The following FMN1 variants were observed in gnomAD, a reference collection of about 807,000 sequenced individuals.
FMN1 encodes the protein formin 1, also known as formin-1.
Under a neutral mutation model 132.4 loss-of-function variants are expected in FMN1, and 110 were observed. That is an observed-to-expected ratio of 0.83 (90% CI 0.71 to 0.97). The LOEUF is 0.97. Ranked by LOEUF, FMN1 falls within the 50% of genes least tolerant of loss-of-function variation. FMN1 has a pLI of 0.00. For synonymous variants in FMN1, 722 were observed against 651.7 expected (o/e 1.11, Z -1.64); for missense variants, 1,792 against 1,705.3 (o/e 1.05, Z -0.90).
rs1596342442 is a variant in FMN1 at position 32,957,307 on chromosome 15, T to TGTTTTTG, written c.3138+6799_3138+6800insCAAAAAC. On this transcript the variant is annotated intron_variant, in intron 9 of 20. Coordinates refer to ENST00000616417, the MANE Select transcript of FMN1 (RefSeq NM_001277313.2). ...GTTTATCAGAGCAGTTCTTTTTTTTTTTTTTTTTTTTTTTTTTTACAGGAA... is the reference window on the plus strand; with the variant it reads ...GTTTATCAGAGCAGTTCTTTTTTTTTGTTTTTGTTTTTTTTTTTTTTTTTTACAGGAA... Among the ~76,000 whole-genome samples the TGTTTTTG allele has an allele frequency of 2.9e-5, 4 of 135,862 alleles. No homozygotes were observed. The East Asian group carries it at 7.2e-4, about 25-fold the overall frequency. The allele number at this position is 135,862 out of a possible 152,430, so 89.1% of individuals were successfully genotyped here.
intron 17 of FMN1, among the ~76,000 whole-genome samples, chr15:32,852,384 C>T (rs764543900): frequency 5.3e-5 from 8 of 152,050 alleles, no homozygotes; most frequent in Non-Finnish European, 7.4e-5. Context: ...ACTGCCATTG[C>T]TTTGTTTGTT....
At chr15:32,946,903 C>A (rs1369916605) in intron 9 of FMN1, among the ~76,000 whole-genome samples, 1 of 152,140 alleles carries the variant, frequency 6.6e-6, no homozygotes, top group African/African-American at 2.4e-5. Context: ...AGCATAGTTT[C>A]TTTTTATTAC....
intron 4 of FMN1, among the ~76,000 whole-genome samples, chr15:33,138,942 G>A (rs547753900): frequency 7.8e-6 from 1 of 128,248 alleles, no homozygotes; most frequent in Non-Finnish European, 1.8e-5. Flanking sequence ...TGATGAGTAG[G>A]TTCGTCTAAT....
intron 3 of FMN1, among the ~76,000 whole-genome samples, chr15:33,173,417 G>C (rs1305816392): frequency 6.6e-6 from 1 of 152,190 alleles, no homozygotes; most frequent in Non-Finnish European, 1.5e-5. Context: ...GCTGCTTCAG[G>C]GCCCAGGTGA....
Position 32,908,470 on chromosome 15 carries a change from A to C in FMN1, c.3377+20T>G. 1 of 1,555,726 alleles carries C rather than the reference A, an allele frequency of 6.4e-7. No homozygotes were observed. Among genetic ancestry groups the C allele is most frequent in the Non-Finnish European group, 8.9e-7 (1 of 1,128,202 alleles). The stretch of plus-strand genomic sequence containing the variant: ...GCAGTTCTCCTTTTGGCCTAACAGA[A>C]AAATGTTAAGTATCCTTACTGCTCA... On this transcript the variant is annotated intron_variant, in intron 12 of 20. Coordinates refer to ENST00000616417, the MANE Select transcript of FMN1 (RefSeq NM_001277313.2).
At chr15:32,886,368 G>C (rs571147240) in intron 16 of FMN1, among the ~76,000 whole-genome samples, 190 of 152,210 alleles carry the variant, frequency 1.2e-3, no homozygotes, top group African/African-American at 4.5e-3. Context: ...CTTTCCTAAG[G>C]CCGCTCTACC....
At chr15:32,924,894 A>G (rs555091851) in intron 10 of FMN1, among the ~76,000 whole-genome samples, 15 of 152,366 alleles carry the variant, frequency 9.8e-5, no homozygotes, top group Admixed American at 7.2e-4. Context: ...AGCCTGGGCA[A>G]TAAGAGCAAA....
intron 16 of FMN1, among the ~76,000 whole-genome samples, chr15:32,867,001 T>A (rs1244895717): frequency 2.0e-5 from 3 of 152,204 alleles, no homozygotes; most frequent in Admixed American, 6.5e-5. Flanking sequence ...ATGCTCTCTG[T>A]CTAGACAATG....
In FMN1 at chr15:32,769,808, T is replaced by A. The variant is rs897175427; in HGVS notation, c.*4502A>T. Reference sequence around the variant, plus strand: ...CATGAATGAAAGTTCACTTCTTTATTCTCTCCACTCTCTTCAGTTGTAGGG... The same window carrying A: ...CATGAATGAAAGTTCACTTCTTTATACTCTCCACTCTCTTCAGTTGTAGGG... On this transcript the variant is annotated 3_prime_UTR_variant, in exon 21 of 21. Transcript: ENST00000616417. 6.6e-6 allele frequency: 1 copy of A among 152,218 alleles called. No individual in the cohort carries two copies. The highest frequency in any genetic ancestry group is 1.5e-5 in the Non-Finnish European group (1 of 68,036). 9.4% of individuals were successfully genotyped at this position (152,218 alleles called of 1,614,324 possible).
intron 16 of FMN1, among the ~76,000 whole-genome samples, chr15:32,858,788 C>A (rs1357201814): frequency 6.6e-6 from 1 of 151,932 alleles, no homozygotes; most frequent in East Asian, 1.9e-4. Flanking sequence ...CATTTTTTTC[C>A]TTTCTTTGTA....
At chr15:33,084,591 G>T (rs572071510) in intron 5 of FMN1, among the ~76,000 whole-genome samples, 4 of 152,272 alleles carry the variant, frequency 2.6e-5, no homozygotes, top group African/African-American at 9.6e-5. Context: ...GTACACTTGG[G>T]TCTCAGAATG....
chr15:33,047,951 T>C (rs939039597), intron 6 of FMN1, among the ~76,000 whole-genome samples: 2 of 152,180 alleles, frequency 1.3e-5, no homozygotes, highest in African/African-American at 4.8e-5. Flanking sequence ...TAGTTATATA[T>C]ATATGTGCGC....
chr15:33,074,779 G>A (rs1470776408), intron 5 of FMN1, among the ~76,000 whole-genome samples: 1 of 152,040 alleles, frequency 6.6e-6, no homozygotes, highest in African/African-American at 2.4e-5. Context: ...ACTTTGGGAG[G>A]CTGAGGCAGG....
intron 2 of FMN1, among the ~76,000 whole-genome samples, chr15:33,190,501 C>T (rs967900981): frequency 1.3e-5 from 2 of 151,972 alleles, no homozygotes; most frequent in East Asian, 1.9e-4. Context: ...TTATGTTTCA[C>T]GGAGGACATC....
At chr15:33,028,034 C>G (rs982295965) in intron 6 of FMN1, among the ~76,000 whole-genome samples, 1 of 152,198 alleles carries the variant, frequency 6.6e-6, no homozygotes, top group Admixed American at 6.5e-5. Flanking sequence ...CATGAGCCAG[C>G]CTATTTAATC....
chr15:33,126,226 T>C (rs1328441887), intron 4 of FMN1, among the ~76,000 whole-genome samples: 1 of 151,840 alleles, frequency 6.6e-6, no homozygotes, highest in Non-Finnish European at 1.5e-5. Context: ...ACAGAGAGTT[T>C]TCCTAGACTT....
chr15:33,095,666 C>T (rs986394257), intron 4 of FMN1, among the ~76,000 whole-genome samples: 1 of 151,996 alleles, frequency 6.6e-6, no homozygotes, highest in South Asian at 2.1e-4. Context: ...AGTCATTGTG[C>T]CTGGCCCCAA....
chr15:33,009,444 C>G (rs1280862846), intron 6 of FMN1, among the ~76,000 whole-genome samples: 1 of 152,134 alleles, frequency 6.6e-6, no homozygotes, highest in Non-Finnish European at 1.5e-5. Flanking sequence ...TGTCCTGGTT[C>G]CTACATATCT....
intron 17 of FMN1, among the ~76,000 whole-genome samples, chr15:32,840,178 C>T (rs2058715260): frequency 6.6e-6 from 1 of 152,196 alleles, no homozygotes. Flanking sequence ...TTGGCCTCCT[C>T]TTGCCACTGT....
Sources: allele counts gnomAD v4.1 joint callset (sites outside exome capture counted in the v4.1 genomes callset), GRCh38; gene constraint gnomAD v4.1.1; transcripts MANE v1.5; gene names NCBI Gene and HGNC (gene_info 2026-07-23, HGNC 2026-07-21).